SAMD3: variants seen among roughly 807,000 people sequenced by gnomAD.
SAMD3 encodes sterile alpha motif domain-containing protein 3.
In SAMD3, 63 loss-of-function variants were observed where a neutral mutation model predicts 58.5. The observed-to-expected ratio is 1.08, with a 90% CI of 0.88 to 1.33. SAMD3 has a LOEUF of 1.33. SAMD3 is among the 40% of genes most tolerant of loss of function. The pLI, the probability that SAMD3 is intolerant of heterozygous loss-of-function variation, is 0.00. For synonymous variants in SAMD3, 220 were observed against 210.3 expected, an observed-to-expected ratio of 1.05 and a Z score of -0.40; for missense variants, 604 against 608.4, an observed-to-expected ratio of 0.99 and a Z score of 0.08.
At chr6:130,155,901 A>T (rs1789735065) in intron 8 of SAMD3, among the ~76,000 whole-genome samples, 1 of 152,192 alleles carries the variant, frequency 6.6e-6, no homozygotes. Flanking sequence ...ATTAAGAAGA[A>T]GTTCCTATAA....
At chr6:130,308,466 T>C (rs1776025638) in intron 2 of SAMD3, among the ~76,000 whole-genome samples, 2 of 151,516 alleles carry the variant, frequency 1.3e-5, no homozygotes, top group Admixed American at 6.6e-5. Flanking sequence ...GGAAATGTCC[T>C]TGGGGAGAAA....
intron 2 of SAMD3, among the ~76,000 whole-genome samples, chr6:130,243,148 G>A (rs1562477143): frequency 6.6e-6 from 1 of 152,132 alleles, no homozygotes; most frequent in Admixed American, 6.5e-5. Context: ...ATGACCCAAC[G>A]GGGACAAGTG....
chr6:130,313,933 A>G (rs1444700046), intron 1 of SAMD3, among the ~76,000 whole-genome samples: 1 of 152,174 alleles, frequency 6.6e-6, no homozygotes. Flanking sequence ...TTTTGTTGAC[A>G]TCTCTCATCT....
At chr6:130,352,122 G>A (rs1447023575) in intron 1 of SAMD3, among the ~76,000 whole-genome samples, 1 of 151,688 alleles carries the variant, frequency 6.6e-6, no homozygotes, top group East Asian at 1.9e-4. Flanking sequence ...TAAATGACGA[G>A]TTAATGGGTG....
Position 130,268,500 on chromosome 6 carries a change from C to G in SAMD3, c.-188+44478G>C, listed in dbSNP as rs377597793. ...TGCCCTAGGCCTTCATATTCACTCA[C>G]CACTCACTCACCCACTCATACAGAG... On this transcript the variant is annotated intron_variant, in intron 2 of 13. Transcript: ENST00000368134. Among the ~76,000 whole-genome samples, 7 of 152,258 alleles carry G rather than the reference C, an allele frequency of 4.6e-5. 1 individual carries two copies.
At chr6:130,359,589 G>A (rs1476658415) in intron 1 of SAMD3, among the ~76,000 whole-genome samples, 1 of 152,012 alleles carries the variant, frequency 6.6e-6, no homozygotes, top group East Asian at 1.9e-4. Context: ...TCACCATTTT[G>A]TACCCATTAG....
chr6:130,281,530 T>C (rs1774981252), intron 2 of SAMD3, among the ~76,000 whole-genome samples: 2 of 152,044 alleles, frequency 1.3e-5, no homozygotes, highest in Non-Finnish European at 2.9e-5. Flanking sequence ...ACTCTCTCTA[T>C]AGAGGAAATC....
In SAMD3 at chr6:130,184,621, C is replaced by A; in HGVS notation, c.386G>T (p.Arg129Ile). The A allele has an allele frequency of 6.2e-7, 1 of 1,601,046 alleles. No homozygotes were observed. Among genetic ancestry groups the A allele is most frequent in the Non-Finnish European group, 8.5e-7 (1 of 1,171,718 alleles). The stretch of plus-strand genomic sequence containing the variant: ...TCTTGCTAGAATTTGTTTCACATTT[C>A]TTCTGTGAAATAAAAACACACAAAG... ...LIDQRVLKQR[R>I]NVKQILARSK... Residue 129 changes from arginine (R) to isoleucine (I), a missense_variant and splice_region_variant, in exon 6 of 12, where the codon AGA becomes ATA. Physicochemically the swap from Arg to Ile is moderately conservative, Grantham distance 97 (BLOSUM62 -3). Coordinates refer to ENST00000439090, the MANE Select transcript of SAMD3 (RefSeq NM_001017373.4).
intron 2 of SAMD3, among the ~76,000 whole-genome samples, chr6:130,255,712 T>C (rs938940960): frequency 1.3e-5 from 2 of 152,122 alleles, no homozygotes; most frequent in Non-Finnish European, 1.5e-5. Context: ...CAGGCTTGTC[T>C]TGAACTCCTG....
intron 5 of SAMD3, among the ~76,000 whole-genome samples, chr6:130,189,263 G>T (rs538463493): frequency 6.6e-6 from 1 of 152,118 alleles, no homozygotes; most frequent in Non-Finnish European, 1.5e-5. Context: ...AAATCATAAG[G>T]TTGGGCCCTG....
At position 130,285,135 on chromosome 6, in the gene SAMD3, C is replaced by G. The variant is rs371698771; in HGVS notation, c.-188+27843G>C. Among the ~76,000 whole-genome samples the G allele has an allele frequency of 5.1e-4, 77 of 152,254 alleles. 1 individual carries two copies. Among genetic ancestry groups the G allele is most frequent in the African/African-American group, 1.7e-3 (70 of 41,554 alleles). On this transcript the variant is annotated intron_variant, in intron 2 of 13. Coordinates refer to the SAMD3 transcript ENST00000368134. The stretch of plus-strand genomic sequence containing the variant: ...AATTCCATCTGATCATTCCATAATA[C>G]TGAATGACAAAAGAGTTGCAAAACG...
At chr6:130,151,630 A>G (rs1327017803) in intron 9 of SAMD3, among the ~76,000 whole-genome samples, 1 of 151,862 alleles carries the variant, frequency 6.6e-6, no homozygotes, top group African/African-American at 2.4e-5. Flanking sequence ...TAGTAGAGAC[A>G]GTGTTTCTCC....
intron 7 of SAMD3, among the ~76,000 whole-genome samples, chr6:130,182,090 A>G (rs984149932): frequency 7.1e-6 from 1 of 141,214 alleles, no homozygotes; most frequent in African/African-American, 2.6e-5. Flanking sequence ...AAAAAAAACC[A>G]CAAGTTCTAT....
At chr6:130,288,591 T>C (rs889566155) in intron 2 of SAMD3, among the ~76,000 whole-genome samples, 1 of 152,240 alleles carries the variant, frequency 6.6e-6, no homozygotes, top group African/African-American at 2.4e-5. Flanking sequence ...AGTTCGGCTT[T>C]GGGTAGGAGG....
intron 1 of SAMD3, among the ~76,000 whole-genome samples, chr6:130,217,699 T>C (rs1159770961): frequency 2.0e-5 from 3 of 152,206 alleles, no homozygotes; most frequent in African/African-American, 4.8e-5. Flanking sequence ...ATATAAAACA[T>C]ACAAAACATT....
At chr6:130,215,760 T>G (rs1266416379) in intron 2 of SAMD3, 2 of 1,513,870 alleles carry the variant, frequency 1.3e-6, no homozygotes, top group African/African-American at 1.4e-5. Context: ...ACAGAGATAC[T>G]TAGTAAACTG....
rs774036634 is a variant in SAMD3 at position 130,294,909 on chromosome 6, A to ATTTTTTTTTTTT, written c.-188+18057_-188+18068dup. ...TCTAATTTTTCCATACATTTCTCTG[A>ATTTTTTTTTTTT]TTTTTTTTTTTTTTTTTTTTTTTTT... On this transcript the variant is annotated intron_variant, in intron 2 of 13. Transcript: ENST00000368134. Among the ~76,000 whole-genome samples, 32 of 56,168 alleles carry ATTTTTTTTTTTT rather than the reference A, an allele frequency of 5.7e-4. 3 individuals carry two copies. The highest frequency in any genetic ancestry group is 8.6e-4 in the Non-Finnish European group (26 of 30,218). 36.8% of individuals were successfully genotyped at this position (56,168 alleles called of 152,430 possible). A position where few individuals can be genotyped will look rare whatever the true frequency, so the allele number is the denominator to read the frequency against.
intron 1 of SAMD3, among the ~76,000 whole-genome samples, chr6:130,364,116 T>C (rs934408187): frequency 7.2e-5 from 11 of 152,330 alleles, no homozygotes; most frequent in African/African-American, 2.6e-4. Context: ...AGTAATTATT[T>C]TAAAAAGAAA....
intron 1 of SAMD3, among the ~76,000 whole-genome samples, chr6:130,361,376 G>T (rs894129795): frequency 6.6e-6 from 1 of 152,152 alleles, no homozygotes; most frequent in African/African-American, 2.4e-5. Context: ...CAACATGAAA[G>T]GGTATTCCCT....
Sources: allele counts gnomAD v4.1 joint callset (sites outside exome capture counted in the v4.1 genomes callset), GRCh38; gene constraint gnomAD v4.1.1; transcripts MANE v1.5; gene names NCBI Gene and HGNC (gene_info 2026-07-23, HGNC 2026-07-21).